The following NAV1 variants were observed in gnomAD, a reference collection of about 807,000 sequenced individuals.
NAV1 encodes neuron navigator 1.
Under a neutral mutation model 175.2 loss-of-function variants are expected in NAV1, and 18 were observed. The ratio of observed to expected loss-of-function variants is 0.10; its 90% CI spans 0.07 to 0.15. The LOEUF is 0.15. NAV1 is among the 10% of genes least tolerant of loss of function. NAV1 has a pLI of 1.00. For missense variants in NAV1, 1,731 were observed against 2,436.6 expected (o/e 0.71, Z 6.10); for synonymous variants, 897 against 978.7 (o/e 0.92, Z 1.56).
chr1:201,708,304 T>C (rs1386092607), intron 1 of NAV1, among the ~76,000 whole-genome samples: 2 of 152,118 alleles, frequency 1.3e-5, no homozygotes, highest in Non-Finnish European at 2.9e-5. Context: ...CTCTCCCCAG[T>C]TGCTCCATTT....
At chr1:201,665,661 A>G (rs1456475239) in intron 1 of NAV1, among the ~76,000 whole-genome samples, 1 of 142,828 alleles carries the variant, frequency 7.0e-6, no homozygotes, top group Admixed American at 7.9e-5. Flanking sequence ...TGAAAGACAA[A>G]GAGAGGGTAA....
intron 2 of NAV1, among the ~76,000 whole-genome samples, chr1:201,594,338 G>A (rs1667292234): frequency 6.6e-6 from 1 of 152,196 alleles, no homozygotes; most frequent in Non-Finnish European, 1.5e-5. Flanking sequence ...TGACCCAGGA[G>A]AAAGGGAGGG....
At chr1:201,784,743 CT>C (rs1237099893) in intron 7 of NAV1, among the ~76,000 whole-genome samples, 2 of 151,660 alleles carry the variant, frequency 1.3e-5, no homozygotes, top group African/African-American at 4.8e-5. Context: ...GCCTTAATTT[CT>C]TTTTTGTTTG....
At chr1:201,801,867 A>G (rs939989969) in intron 15 of NAV1, among the ~76,000 whole-genome samples, 8 of 151,936 alleles carry the variant, frequency 5.3e-5, no homozygotes, top group African/African-American at 1.7e-4. Flanking sequence ...CAAGCACGGT[A>G]GCTCACCCCT....
chr1:201,780,892 A>T, intron 4 of NAV1, 120 bp from the exon 9 acceptor site: 2 of 1,172,734 alleles, frequency 1.7e-6, no homozygotes, highest in Non-Finnish European at 1.2e-6. Context: ...AGAAACCCTC[A>T]GTTTGACTTA....
chr1:201,664,801 C>T (rs917298706), intron 1 of NAV1, among the ~76,000 whole-genome samples: 2 of 152,146 alleles, frequency 1.3e-5, no homozygotes, highest in East Asian at 1.9e-4. Context: ...GCTCATGAGC[C>T]GTGGTATGCC....
intron 2 of NAV1, among the ~76,000 whole-genome samples, chr1:201,614,446 G>C (rs929416033): frequency 6.6e-6 from 1 of 152,358 alleles, no homozygotes; most frequent in East Asian, 1.9e-4. Flanking sequence ...CGACTGGCCA[G>C]TTCTCCAGAC....
At position 201,740,085 on chromosome 1, in the gene NAV1, C is replaced by T. The variant is rs1282221070; in HGVS notation, c.1226+21330C>T. The T allele has an allele frequency of 1.4e-6, 2 of 1,450,448 alleles. No individual in the cohort carries two copies. The highest frequency in any genetic ancestry group is 2.8e-5 in the East Asian group (1 of 35,610). 89.8% of individuals were successfully genotyped at this position (1,450,448 alleles called of 1,614,324 possible). On this transcript the variant is annotated intron_variant, in intron 3 of 29. Coordinates refer to ENST00000367296, the Ensembl canonical transcript of NAV1. This position sits in a 1 kb window ranked among gnomAD's most constrained non-coding sequence, Gnocchi z 4.7. ...GTGAATTTCCCCCGCAGGTAAGCGCCCCCACCCCCCTGGCCTCACCGCCAG... is the reference window on the plus strand; with the variant it reads ...GTGAATTTCCCCCGCAGGTAAGCGCTCCCACCCCCCTGGCCTCACCGCCAG...
chr1:201,797,595 G>C (rs1425141047), intron 15 of NAV1: 2 of 152,204 alleles, frequency 1.3e-5, no homozygotes, highest in African/African-American at 4.8e-5. Flanking sequence ...TCAATTTAGA[G>C]AGTATTGCCT....
chr1:201,561,558 C>G (rs1228493801), intron 1 of NAV1, among the ~76,000 whole-genome samples: 1 of 152,208 alleles, frequency 6.6e-6, no homozygotes, highest in South Asian at 2.1e-4. Flanking sequence ...GCTAGACATT[C>G]AATAAAAGTT....
chr1:201,604,680 G>GAA (rs747665244), intron 2 of NAV1, among the ~76,000 whole-genome samples: 12 of 52,602 alleles, frequency 2.3e-4, no homozygotes, highest in East Asian at 6.1e-4. Flanking sequence ...GACTCTGTCA[G>GAA]AAAAAAAAAA....
chr1:201,655,627 G>A (rs1669375284), intron 1 of NAV1, among the ~76,000 whole-genome samples: 1 of 152,222 alleles, frequency 6.6e-6, no homozygotes, highest in Non-Finnish European at 1.5e-5. Context: ...CTTGTTCAAT[G>A]AAGGCAGGTC....
intron 2 of NAV1, among the ~76,000 whole-genome samples, chr1:201,630,354 C>T (rs1668450566): frequency 6.6e-6 from 1 of 152,198 alleles, no homozygotes; most frequent in African/African-American, 2.4e-5. Flanking sequence ...TTCCTTTTCA[C>T]AAACCTGAGA....
At chr1:201,732,600 A>G (rs1672908759) in intron 3 of NAV1, among the ~76,000 whole-genome samples, 1 of 152,194 alleles carries the variant, frequency 6.6e-6, no homozygotes, top group African/African-American at 2.4e-5. Context: ...TCAGTTTGCT[A>G]CTCACTACCT....
chr1:201,693,644 G>T (rs1229363987), intron 1 of NAV1, among the ~76,000 whole-genome samples: 2 of 152,174 alleles, frequency 1.3e-5, no homozygotes, highest in Non-Finnish European at 2.9e-5. Context: ...CTTGGAGGAG[G>T]TATGACTGGA....
intron 28 of NAV1, 29 bp from the exon 33 acceptor site, chr1:201,817,059 A>C (rs1476191310): frequency 6.2e-7 from 1 of 1,605,302 alleles, no homozygotes; most frequent in South Asian, 1.1e-5. Context: ...TTAATTCCCC[A>C]CAGTAATCAT....
At chr1:201,582,330 C>G (rs1666893613) in intron 1 of NAV1, among the ~76,000 whole-genome samples, 1 of 152,182 alleles carries the variant, frequency 6.6e-6, no homozygotes, top group Non-Finnish European at 1.5e-5. Context: ...GGGGAGGAAG[C>G]AGCTGCCACT....
intron 15 of NAV1, among the ~76,000 whole-genome samples, chr1:201,801,988 T>C (rs921966595): frequency 2.0e-5 from 3 of 150,384 alleles, no homozygotes; most frequent in Non-Finnish European, 4.4e-5. Flanking sequence ...ATACAAAAAA[T>C]TAGCCGGGCG....
chr1:201,812,418 T>C lies in NAV1; in HGVS notation c.5025-47T>C, dbSNP rs1678750084. 6.3e-7 allele frequency: 1 copy of C among 1,582,174 alleles called. No individual in the cohort carries two copies. The highest frequency in any genetic ancestry group is 1.3e-5 in the African/African-American group (1 of 74,302). ...ACTGGCAGGGGCTGAACCCTGACAATGTCCCCATTGCCACTCTGACCCCAC... is the reference window on the plus strand; with the variant it reads ...ACTGGCAGGGGCTGAACCCTGACAACGTCCCCATTGCCACTCTGACCCCAC... On this transcript the variant is annotated intron_variant, in intron 26 of 29. Transcript: ENST00000367296. The surrounding 1 kb of genome is among the most constrained non-coding windows in gnomAD (Gnocchi z 4.6).
Sources: gnomAD v4.1 joint callset for allele counts (sites outside exome capture counted in the v4.1 genomes callset) on GRCh38, gnomAD v4.1.1 for gene constraint, Gnocchi (gnomAD v3.1) non-coding constraint, MANE v1.5 for transcripts, NCBI Gene and HGNC (gene_info 2026-07-23, HGNC 2026-07-21) for gene names.